Variants in DDX39A observed in about 807,000 individuals in gnomAD.
DDX39A encodes the protein ATP-dependent RNA helicase DDX39A.
DDX39A carries 13 observed loss-of-function variants against 46.3 expected under a neutral mutation model. The ratio of observed to expected loss-of-function variants is 0.28; its 90% CI spans 0.18 to 0.45. The LOEUF (loss-of-function observed/expected upper bound fraction) is 0.45. Ranked by LOEUF, DDX39A falls within the 20% of genes least tolerant of loss-of-function variation. The pLI, the probability that DDX39A is intolerant of heterozygous loss-of-function variation, is 1.00. For synonymous variants in DDX39A, 234 were observed against 224.6 expected, an observed-to-expected ratio of 1.04 and a Z score of -0.38; for missense variants, 352 against 581.8, an observed-to-expected ratio of 0.61 and a Z score of 4.06.
At position 14,411,937 on chromosome 19, in the gene DDX39A, C is replaced by T. The variant is rs1431541242; in HGVS notation, c.337-339G>A. ...GATTTCCTGAATCTCGGCACTCGGG[C>T]GGCCCCGGTCTTCCCACCCGTGCCA... On this transcript the variant is annotated intron_variant, in intron 3 of 10. Transcript: ENST00000242776. The surrounding 1 kb of genome is among the most constrained non-coding windows in gnomAD (Gnocchi z 4.1). Among the ~76,000 whole-genome samples the T allele has an allele frequency of 1.3e-5, 2 of 152,304 alleles. No individual in the cohort carries two copies. Among genetic ancestry groups the T allele is most frequent in the East Asian group, 3.9e-4 (2 of 5,186 alleles).
Position 14,408,907 on chromosome 19 carries a change from T to A in DDX39A, c.*29A>T, listed in dbSNP as rs768282153. 1.7e-5 allele frequency: 27 copies of A among 1,569,958 alleles called. No homozygotes were observed. The Admixed American group carries it at 2.0e-4, about 12-fold the overall frequency. ...GGAGGTGAAGCTGCATGCGGGCGGC[T>A]CCGGGTGGGCGGCTCTGGCACGTGG... On this transcript the variant is annotated 3_prime_UTR_variant, in exon 11 of 11. Transcript: ENST00000242776.
intron 1 of DDX39A, among the ~76,000 whole-genome samples, chr19:14,417,681 AAAAT>A (rs1187414429): frequency 6.6e-6 from 1 of 152,164 alleles, no homozygotes; most frequent in Non-Finnish European, 1.5e-5. Context: ...CAAAGGCTAA[AAAAT>A]AAATAAGTAG....
rs971549399 is a variant in DDX39A at position 14,411,944 on chromosome 19, G to T, written c.337-346C>A. Among the ~76,000 whole-genome samples the T allele has an allele frequency of 6.6e-6, 1 of 152,136 alleles. No individual in the cohort carries two copies. Among genetic ancestry groups the T allele is most frequent in the African/African-American group, 2.4e-5 (1 of 41,428 alleles). On this transcript the variant is annotated intron_variant, in intron 3 of 10. Transcript: ENST00000242776. This position sits in a 1 kb window ranked among gnomAD's most constrained non-coding sequence, Gnocchi z 4.1. ...TGAATCTCGGCACTCGGGCGGCCCC[G>T]GTCTTCCCACCCGTGCCATCAGACA...
At position 14,410,360 on chromosome 19, in the gene DDX39A, T is replaced by C; in HGVS notation, c.614-26A>G. 2 of 1,597,192 alleles carry C rather than the reference T, an allele frequency of 1.3e-6. No individual in the cohort carries two copies. The highest frequency in any genetic ancestry group is 8.6e-7 in the Non-Finnish European group (1 of 1,165,064). Reference sequence around the variant, plus strand: ...CTAGGTGGGGAGGGCAAGACATGGGTGGGCATGAGCGTCTGCCATGCAGGA... The same window carrying C: ...CTAGGTGGGGAGGGCAAGACATGGGCGGGCATGAGCGTCTGCCATGCAGGA... On this transcript the variant is annotated intron_variant, in intron 5 of 10. Transcript: ENST00000242776. The surrounding 1 kb of genome is among the most constrained non-coding windows in gnomAD (Gnocchi z 4.3).
At position 14,409,317 on chromosome 19, in the gene DDX39A, T is replaced by C; in HGVS notation, c.1105A>G (p.Thr369Ala). The change falls in exon 9 of 11, where the codon ACC becomes GCC. Residue 369 changes from threonine to alanine, a missense_variant. Physicochemically the swap from Thr to Ala is moderately conservative, Grantham distance 58 (BLOSUM62 0). Coordinates refer to ENST00000242776, the MANE Select transcript of DDX39A (RefSeq NM_005804.4). This position sits in a 1 kb window ranked among gnomAD's most constrained non-coding sequence, Gnocchi z 8.3. ...AGGCTGCTCACCCGGTGCAGGTAGG[T>C]GTCCGAGTCCTCAGGCATGTCGTAG... ...FNYDMPEDSD[T>A]YLHRVARAGR... 2 of 1,614,162 alleles carry C rather than the reference T, an allele frequency of 1.2e-6. No homozygotes were observed. The highest frequency in any genetic ancestry group is 1.7e-6 in the Non-Finnish European group (2 of 1,180,032).
rs759837210 is a variant in DDX39A at position 14,410,003 on chromosome 19, A to C, written c.733-130T>G. 8.0e-7 allele frequency: 1 copy of C among 1,256,090 alleles called. No individual in the cohort carries two copies. The highest frequency in any genetic ancestry group is 1.2e-6 in the Non-Finnish European group (1 of 867,858). The allele number at this position is 1,256,090 out of a possible 1,614,324, so 77.8% of individuals were successfully genotyped here. On this transcript the variant is annotated intron_variant, in intron 6 of 10. Transcript: ENST00000242776. This position sits in a 1 kb window ranked among gnomAD's most constrained non-coding sequence, Gnocchi z 4.3. ...GGACCTGCTGCACCAGACCTCAGTA[A>C]ACATCGCTCAAAAGCTGGATGTAAG...
rs117106249 is a variant in DDX39A at position 14,412,696 on chromosome 19, C to A, written c.209-18G>T. 3.8e-6 allele frequency: 6 copies of A among 1,590,794 alleles called. No homozygotes were observed. The African/African-American group carries it at 4.0e-5, about 11-fold the overall frequency. On this transcript the variant is annotated intron_variant, in intron 2 of 10. Coordinates refer to ENST00000242776, the MANE Select transcript of DDX39A (RefSeq NM_005804.4). This position sits in a 1 kb window ranked among gnomAD's most constrained non-coding sequence, Gnocchi z 4.4. ...ATGCTGGACTGCAGGAGAAGCAGAG[C>A]GTGAGGGACGAGAACCTGGATGCAC...
Position 14,410,010 on chromosome 19 carries a change from C to T in DDX39A, c.733-137G>A, listed in dbSNP as rs758949591. On this transcript the variant is annotated intron_variant, in intron 6 of 10. Transcript: ENST00000242776. This position sits in a 1 kb window ranked among gnomAD's most constrained non-coding sequence, Gnocchi z 4.3. ...CTGCACCAGACCTCAGTAAACATCG[C>T]TCAAAAGCTGGATGTAAGCTCTGGC... The T allele has an allele frequency of 8.1e-7, 1 of 1,234,186 alleles. No homozygotes were observed. The highest frequency in any genetic ancestry group is 1.2e-5 in the South Asian group (1 of 82,262). 76.5% of individuals were successfully genotyped at this position (1,234,186 alleles called of 1,614,324 possible).
rs768194690 is a variant in DDX39A, at chr19:14,408,825, A to G, written c.*111T>C. ...GATGGGGTGGGAGCCAGGCTTCCAT[A>G]ATAACAAGTTTATTCTCATACAATC... On this transcript the variant is annotated 3_prime_UTR_variant, in exon 11 of 11. Transcript: ENST00000242776. The G allele has an allele frequency of 2.1e-6, 3 of 1,447,808 alleles. No homozygotes were observed. Among genetic ancestry groups the G allele is most frequent in the Non-Finnish European group, 2.8e-6 (3 of 1,087,374 alleles). 89.7% of individuals were successfully genotyped at this position (1,447,808 alleles called of 1,614,324 possible). A position where few individuals can be genotyped will look rare whatever the true frequency, so the allele number is the denominator to read the frequency against.
At position 14,409,475 on chromosome 19, in the gene DDX39A, C is replaced by T. The variant is rs551771381; in HGVS notation, c.975-28G>A. On this transcript the variant is annotated intron_variant, in intron 8 of 10. Coordinates refer to ENST00000242776, the MANE Select transcript of DDX39A (RefSeq NM_005804.4). The surrounding 1 kb of genome is among the most constrained non-coding windows in gnomAD (Gnocchi z 8.3). ...GGGGTGCAGGAGAAACAAGTGGAGG[C>T]CGTCAGACACTGGGCTCCTGGTGGT... 6.2e-7 allele frequency: 1 copy of T among 1,612,762 alleles called. No homozygotes were observed. Among genetic ancestry groups the T allele is most frequent in the African/African-American group, 1.3e-5 (1 of 75,064 alleles).
At chr19:14,416,410 G>A (rs1599299530) in intron 1 of DDX39A, 1 of 152,240 alleles carries the variant, frequency 6.6e-6, no homozygotes, top group African/African-American at 2.4e-5. Flanking sequence ...CCTGCCCTGT[G>A]AGAACAGCTA....
chr19:14,412,852 G>T lies in DDX39A; in HGVS notation c.208+161C>A. The stretch of plus-strand genomic sequence containing the variant: ...CCTGGTCAAAGCAGAACGCCCCACT[G>T]CCGAGGGCAGCCACAGGCCCCGCTG... On this transcript the variant is annotated intron_variant, in intron 2 of 10. Transcript: ENST00000242776. The surrounding 1 kb of genome is among the most constrained non-coding windows in gnomAD (Gnocchi z 4.4). 2 of 1,238,048 alleles carry T rather than the reference G, an allele frequency of 1.6e-6. No individual in the cohort carries two copies. Among genetic ancestry groups the T allele is most frequent in the Non-Finnish European group, 2.2e-6 (2 of 904,082 alleles). 76.7% of individuals were successfully genotyped at this position (1,238,048 alleles called of 1,614,324 possible).
rs938717964 is a variant in DDX39A at position 14,412,871 on chromosome 19, C to G, written c.208+142G>C. On this transcript the variant is annotated intron_variant, in intron 2 of 10. Coordinates refer to ENST00000242776, the MANE Select transcript of DDX39A (RefSeq NM_005804.4). The surrounding 1 kb of genome is among the most constrained non-coding windows in gnomAD (Gnocchi z 4.4). ...CCCACTGCCGAGGGCAGCCACAGGC[C>G]CCGCTGGGCACAACTGATCCGCGGG... 1 of 1,262,616 alleles carries G rather than the reference C, an allele frequency of 7.9e-7. No individual in the cohort carries two copies. Among genetic ancestry groups the G allele is most frequent in the Non-Finnish European group, 1.1e-6 (1 of 921,828 alleles). The allele number at this position is 1,262,616 out of a possible 1,614,324, so 78.2% of individuals were successfully genotyped here. A position where few individuals can be genotyped will look rare whatever the true frequency, so the allele number is the denominator to read the frequency against.
chr19:14,412,094 CAGAATTCACTGAA>C lies in DDX39A; in HGVS notation c.336+444_336+456del. ...CTGGCCTGACTCGGGAGCAAGACACCAGAATTCACTGAAGTGTCTCCCCAGGACAGTGGCACAC... is the reference window on the plus strand; with the variant it reads ...CTGGCCTGACTCGGGAGCAAGACACCGTGTCTCCCCAGGACAGTGGCACAC... On this transcript the variant is annotated intron_variant, in intron 3 of 10. Transcript: ENST00000242776. This position sits in a 1 kb window ranked among gnomAD's most constrained non-coding sequence, Gnocchi z 4.4. 6.6e-6 allele frequency among the ~76,000 whole-genome samples: 1 copy of C among 152,148 alleles called. No homozygotes were observed. The highest frequency in any genetic ancestry group is 2.1e-4 in the South Asian group (1 of 4,828).
At chr19:14,414,547 C>T (rs531022973) in intron 1 of DDX39A, among the ~76,000 whole-genome samples, 12 of 148,514 alleles carry the variant, frequency 8.1e-5, no homozygotes, top group African/African-American at 2.9e-4. Flanking sequence ...GACAGGGTTT[C>T]ACCATGTTGG....
chr19:14,414,936 T>TAAAAAAAAAAA (rs1006829482), intron 1 of DDX39A, among the ~76,000 whole-genome samples: 1 of 72,806 alleles, frequency 1.4e-5, no homozygotes, highest in Non-Finnish European at 3.0e-5. Flanking sequence ...CACTCCAGCC[T>TAAAAAAAAAAA]AAAAAAAAAA....
At chr19:14,414,057 C>T (rs920730508) in intron 1 of DDX39A, 6 of 152,108 alleles carry the variant, frequency 3.9e-5, no homozygotes, top group Non-Finnish European at 8.8e-5. Context: ...AATTGTCTTT[C>T]GTCCTCCTCC....
intron 1 of DDX39A, chr19:14,418,976 G>A (rs1263551361): frequency 2.2e-6 from 1 of 455,984 alleles, no homozygotes; most frequent in Non-Finnish European, 4.4e-6. Flanking sequence ...GGGTCTATTC[G>A]GACGAACTGA....
At position 14,410,646 on chromosome 19, in the gene DDX39A, C is replaced by T. The variant is rs766752904; in HGVS notation, c.614-312G>A. The T allele has an allele frequency of 3.4e-5, 18 of 521,872 alleles. No homozygotes were observed. The highest frequency in any genetic ancestry group is 1.1e-4 in the African/African-American group (6 of 52,292). The allele number at this position is 521,872 out of a possible 1,614,324, so 32.3% of individuals were successfully genotyped here. On this transcript the variant is annotated intron_variant, in intron 5 of 10. Coordinates refer to ENST00000242776, the MANE Select transcript of DDX39A (RefSeq NM_005804.4). The surrounding 1 kb of genome is among the most constrained non-coding windows in gnomAD (Gnocchi z 4.3). ...CCGCTGGGGTGAGAGCTGCAGCTGC[C>T]TCCCAGGACACAAGCCCATCTCCCA...
Sources: allele counts gnomAD v4.1 joint callset (sites outside exome capture counted in the v4.1 genomes callset), GRCh38; gene constraint gnomAD v4.1.1; non-coding constraint Gnocchi (gnomAD v3.1); transcripts MANE v1.5; gene names NCBI Gene and HGNC (gene_info 2026-07-23, HGNC 2026-07-21).